The following SNTG1 variants were observed in gnomAD, a reference collection of about 807,000 sequenced individuals.
SNTG1 encodes the protein gamma-1-syntrophin.
In SNTG1, 39 loss-of-function variants were observed where a neutral mutation model predicts 74.7. That is an observed-to-expected ratio of 0.52 (90% CI 0.40 to 0.68). The LOEUF (loss-of-function observed/expected upper bound fraction) is 0.68. Among genes scored for constraint, SNTG1 ranks in the 30% least tolerant of loss-of-function variants. The pLI is 0.00. For synonymous variants in SNTG1, 254 were observed against 217.1 expected (o/e 1.17, Z -1.49); for missense variants, 685 against 609.5 (o/e 1.12, Z -1.30).
intron 13 of SNTG1, among the ~76,000 whole-genome samples, chr8:50,640,261 T>C (rs559960102): frequency 6.6e-5 from 10 of 152,242 alleles, no homozygotes; most frequent in African/African-American, 2.4e-4. Context: ...GCTGTTTTCT[T>C]CCCTCCCCAC....
chr8:49,952,926 G>A (rs1809848866), intron 1 of SNTG1, among the ~76,000 whole-genome samples: 2 of 152,174 alleles, frequency 1.3e-5, no homozygotes. Flanking sequence ...GTATTGACTG[G>A]TGGCATAGGC....
intron 1 of SNTG1, among the ~76,000 whole-genome samples, chr8:49,942,076 T>C (rs1393862962): frequency 1.3e-5 from 2 of 152,124 alleles, no homozygotes; most frequent in Non-Finnish European, 2.9e-5. Flanking sequence ...GTACGCTAAA[T>C]ATAGACTAGG....
chr8:50,266,419 T>C (rs2087469457), intron 2 of SNTG1, among the ~76,000 whole-genome samples: 1 of 151,848 alleles, frequency 6.6e-6, no homozygotes, highest in Non-Finnish European at 1.5e-5. Context: ...CCTCAAATCA[T>C]AAACAAAAGT....
intron 17 of SNTG1, among the ~76,000 whole-genome samples, chr8:50,726,417 A>G (rs2095500208): frequency 1.3e-5 from 2 of 152,122 alleles, no homozygotes; most frequent in South Asian, 4.1e-4. Flanking sequence ...AAGTTGGGGG[A>G]GCGCTCAAGT....
At chr8:50,521,167 G>C (rs551781997) in intron 9 of SNTG1, among the ~76,000 whole-genome samples, 1 of 152,240 alleles carries the variant, frequency 6.6e-6, no homozygotes, top group South Asian at 2.1e-4. Context: ...ACTAACACAG[G>C]AACAGAAAAC....
chr8:50,267,370 C>T (rs765998891), intron 2 of SNTG1, among the ~76,000 whole-genome samples: 1 of 152,092 alleles, frequency 6.6e-6, no homozygotes, highest in African/African-American at 2.4e-5. Context: ...AGATATTTCT[C>T]CAACAATAGT....
intron 2 of SNTG1, among the ~76,000 whole-genome samples, chr8:50,301,779 A>G (rs2089657307): frequency 6.6e-6 from 1 of 151,766 alleles, no homozygotes; most frequent in African/African-American, 2.4e-5. Context: ...CTAGTTCTCT[A>G]GAGCTGGTCT....
intron 1 of SNTG1, among the ~76,000 whole-genome samples, chr8:49,919,035 T>G (rs1397887097): frequency 2.0e-5 from 3 of 152,190 alleles, no homozygotes; most frequent in Admixed American, 2.0e-4. Flanking sequence ...ACGGTTTGCC[T>G]ACGTGATAAC....
chr8:50,309,966 A>G (rs1587064937), intron 2 of SNTG1, among the ~76,000 whole-genome samples: 1 of 152,236 alleles, frequency 6.6e-6, no homozygotes, highest in African/African-American at 2.4e-5. Flanking sequence ...ATCAAAAGTA[A>G]AAAAATTCAG....
chr8:50,726,812 G>A (rs1345577613), intron 17 of SNTG1, among the ~76,000 whole-genome samples: 1 of 152,102 alleles, frequency 6.6e-6, no homozygotes, highest in Non-Finnish European at 1.5e-5. Flanking sequence ...TTGCAACACT[G>A]CACTACAGCC....
chr8:50,249,876 A>G (rs2086569162), intron 2 of SNTG1, among the ~76,000 whole-genome samples: 1 of 152,194 alleles, frequency 6.6e-6, no homozygotes, highest in Admixed American at 6.5e-5. Context: ...GTTCTACTAG[A>G]TACACAGATA....
intron 2 of SNTG1, among the ~76,000 whole-genome samples, chr8:50,247,238 C>T (rs1586832205): frequency 6.6e-6 from 1 of 152,174 alleles, no homozygotes. Context: ...AATGAGTTAT[C>T]CACTCACAAA....
chr8:50,520,617 G>A (rs1276753480), intron 9 of SNTG1, among the ~76,000 whole-genome samples: 2 of 152,166 alleles, frequency 1.3e-5, no homozygotes, highest in Non-Finnish European at 2.9e-5. Flanking sequence ...CAAAGGATAT[G>A]AACAGACACT....
intron 1 of SNTG1, among the ~76,000 whole-genome samples, chr8:50,049,488 T>C (rs1335367218): frequency 1.3e-5 from 2 of 152,164 alleles, no homozygotes; most frequent in Non-Finnish European, 1.5e-5. Flanking sequence ...ACGATCTTTA[T>C]TTGTGAGAGG....
At chr8:50,513,837 G>T (rs1465109794) in intron 9 of SNTG1, among the ~76,000 whole-genome samples, 1 of 152,176 alleles carries the variant, frequency 6.6e-6, no homozygotes, top group Non-Finnish European at 1.5e-5. Context: ...ACTAGGAAAG[G>T]GAATTCCCTG....
chr8:50,691,254 G>A (rs1219929042), intron 15 of SNTG1, among the ~76,000 whole-genome samples: 2 of 152,038 alleles, frequency 1.3e-5, no homozygotes, highest in African/African-American at 2.4e-5. Flanking sequence ...TTACATTTAA[G>A]GTTAATATTG....
chr8:50,565,455 T>C (rs558314052), intron 12 of SNTG1, among the ~76,000 whole-genome samples: 6 of 152,208 alleles, frequency 3.9e-5, no homozygotes, highest in African/African-American at 1.4e-4. Flanking sequence ...TCTATAACTG[T>C]ATGTTTTTTG....
intron 12 of SNTG1, among the ~76,000 whole-genome samples, chr8:50,577,991 G>C (rs2094586548): frequency 6.6e-6 from 1 of 152,204 alleles, no homozygotes; most frequent in Admixed American, 6.5e-5. Flanking sequence ...TTCAGAGCTA[G>C]AATCCTCAAA....
intron 5 of SNTG1, among the ~76,000 whole-genome samples, chr8:50,444,026 T>G (rs183673990): frequency 3.4e-4 from 51 of 152,084 alleles, no homozygotes; most frequent in Non-Finnish European, 5.6e-4. Context: ...TAGTCTCAGC[T>G]ACTTGGGAGG....
Sources: gnomAD v4.1 joint callset for allele counts (sites outside exome capture counted in the v4.1 genomes callset) on GRCh38, gnomAD v4.1.1 for gene constraint, MANE v1.5 for transcripts, NCBI Gene and HGNC (gene_info 2026-07-23, HGNC 2026-07-21) for gene names.